The following KLF5 variants were observed in gnomAD, a reference collection of about 807,000 sequenced individuals.
The protein encoded by KLF5 is KLF transcription factor 5.
Under a neutral mutation model 36.9 loss-of-function variants are expected in KLF5, and 9 were observed. The observed-to-expected ratio is 0.24, with a 90% CI of 0.15 to 0.43. KLF5 has a LOEUF of 0.43. Ranked by LOEUF, KLF5 falls within the 20% of genes least tolerant of loss-of-function variation. KLF5 has a pLI of 1.00. For synonymous variants in KLF5, 246 were observed against 241.7 expected (o/e 1.02, Z -0.17); for missense variants, 524 against 599.5 (o/e 0.87, Z 1.31).
At chr13:73,064,340 C>A (rs9543219) in intron 3 of KLF5, among the ~76,000 whole-genome samples, 1 of 151,844 alleles carries the variant, frequency 6.6e-6, no homozygotes, top group Non-Finnish European at 1.5e-5. Context: ...GTTAAAATAT[C>A]TGTGTTTAGT....
intron 3 of KLF5, among the ~76,000 whole-genome samples, chr13:73,074,150 ACTTT>A (rs1174721273): frequency 6.6e-6 from 1 of 152,190 alleles, no homozygotes; most frequent in Non-Finnish European, 1.5e-5. Context: ...CTGTTTTGGC[ACTTT>A]CTTCTTTGTC....
Position 73,059,368 on chromosome 13 carries a change from C to T in KLF5, c.41C>T (p.Pro14Leu), listed in dbSNP as rs1214968219. Residue 14 changes from proline to leucine, a missense_variant, in exon 1 of 4, where the codon CCC (proline) becomes CTC (leucine). Physicochemically the swap from Pro to Leu is moderately conservative, Grantham distance 98 (BLOSUM62 -3). This residue lies in a region of KLF5 where 454 missense variants were observed against 458.1 expected (regional missense o/e 0.99). Coordinates refer to ENST00000377687, the MANE Select transcript of KLF5 (RefSeq NM_001730.5). ...CTGAGCATGAGCGCCCGCCTGGGAC[C>T]CGTGCCCCAGCCGCCGGCGCCGCAG... Reference protein sequence around the residue: ...RVLSMSARLGPVPQPPAPQDE... With the variant: ...RVLSMSARLGLVPQPPAPQDE... The T allele has an allele frequency of 4.9e-6, 7 of 1,418,294 alleles. No individual in the cohort carries two copies. Among genetic ancestry groups the T allele is most frequent in the Middle Eastern group, 2.6e-4 (1 of 3,918 alleles). The allele number at this position is 1,418,294 out of a possible 1,614,324, so 87.9% of individuals were successfully genotyped here.
chr13:73,071,089 T>C (rs1284713183), intron 3 of KLF5, among the ~76,000 whole-genome samples: 2 of 152,218 alleles, frequency 1.3e-5, no homozygotes, highest in African/African-American at 4.8e-5. Context: ...CTTTAAAAGC[T>C]AGTTAAGGAG....
Position 73,059,467 on chromosome 13 carries a change from C to T in KLF5, c.140C>T (p.Pro47Leu). Residue 47 changes from proline to leucine, a missense_variant, in exon 1 of 4, where the codon CCC (proline) becomes CTC (leucine). Physicochemically the swap from Pro to Leu is moderately conservative, Grantham distance 98. Coordinates refer to ENST00000377687, the MANE Select transcript of KLF5 (RefSeq NM_001730.5). ...CCGGCCCGCGACGCGGCGCTCTTCC[C>T]CGGCGAGGAGCTGAAGCACGCGCAC... is the stretch of plus-strand genomic sequence containing the variant. ...ANPARDAALF[P>L]GEELKHAHHR... 3 of 1,274,878 alleles carry T rather than the reference C, an allele frequency of 2.4e-6. No homozygotes were observed. Among genetic ancestry groups the T allele is most frequent in the Non-Finnish European group, 3.0e-6 (3 of 1,011,184 alleles). The allele number at this position is 1,274,878 out of a possible 1,614,324, so 79.0% of individuals were successfully genotyped here.
chr13:73,059,692 T>A (rs1413690698), intron 1 of KLF5, 104 bp downstream of exon 1: 1 of 943,234 alleles, frequency 1.1e-6, no homozygotes, highest in Non-Finnish European at 1.3e-6. Context: ...GGGGCGTGCG[T>A]CGGGGCGCAC....
intron 2 of KLF5, among the ~76,000 whole-genome samples, chr13:73,063,154 G>A (rs2044652338): frequency 6.6e-6 from 1 of 152,164 alleles, no homozygotes; most frequent in African/African-American, 2.4e-5. Flanking sequence ...AGAGATTAAA[G>A]TAGGGTGGGG....
In KLF5 at chr13:73,059,264, A is replaced by C; in HGVS notation, c.-64A>C. On this transcript the variant is annotated 5_prime_UTR_variant, in exon 1 of 4. Transcript: ENST00000377687. ...GCCCCGCGCTGAGCTCGCCGACCCAAGCCAGCGTGGGCGAGGTGGGAAGTG... is the reference window on the plus strand; with the variant it reads ...GCCCCGCGCTGAGCTCGCCGACCCACGCCAGCGTGGGCGAGGTGGGAAGTG... 3 of 1,271,870 alleles carry C rather than the reference A, an allele frequency of 2.4e-6. No individual in the cohort carries two copies. The highest frequency in any genetic ancestry group is 3.0e-6 in the Non-Finnish European group (3 of 1,006,672). 78.8% of individuals were successfully genotyped at this position (1,271,870 alleles called of 1,614,324 possible).
At chr13:73,071,182 G>A (rs2044719638) in intron 3 of KLF5, among the ~76,000 whole-genome samples, 1 of 152,144 alleles carries the variant, frequency 6.6e-6, no homozygotes, top group African/African-American at 2.4e-5. Context: ...TTCAGTGATG[G>A]GGATACAGAG....
chr13:73,068,081 TCCAC>T (rs201701804), intron 3 of KLF5, among the ~76,000 whole-genome samples: 4,393 of 152,082 alleles, frequency 0.029, 216 homozygotes, highest in African/African-American at 0.097. Flanking sequence ...CCTCAGATGA[TCCAC>T]CCGCCCCAGC....
rs566755888 is a variant in KLF5 at position 73,063,159 on chromosome 13, G to T, written c.1135+425G>T. Among the ~76,000 whole-genome samples, 95 of 152,272 alleles carry T rather than the reference G, an allele frequency of 6.2e-4. 2 individuals are homozygous for T. In the South Asian group the frequency reaches 0.02, roughly 32 times the overall value. On this transcript the variant is annotated intron_variant, in intron 2 of 3. Transcript: ENST00000377687. ...TGCCCCAGAAAGAGATTAAAGTAGG[G>T]TGGGGGAAAATAAGGTTTGGTGGTG...
At chr13:73,067,323 T>G (rs895642389) in intron 3 of KLF5, among the ~76,000 whole-genome samples, 1 of 152,188 alleles carries the variant, frequency 6.6e-6, no homozygotes, top group African/African-American at 2.4e-5. Context: ...TAATGAACAT[T>G]TAAAATAATG....
intron 1 of KLF5, chr13:73,059,819 C>CG: frequency 1.1e-6 from 1 of 943,954 alleles, no homozygotes; most frequent in Non-Finnish European, 1.3e-6. Context: ...GAATCTGCCC[C>CG]GGCGGGTCGG....
chr13:73,069,856 C>T (rs1594397392), intron 3 of KLF5, among the ~76,000 whole-genome samples: 4 of 152,192 alleles, frequency 2.6e-5, no homozygotes, highest in Admixed American at 2.6e-4. Flanking sequence ...TGTTCATAGA[C>T]TAAATAGAAT....
Position 73,062,569 on chromosome 13 carries a change from C to G in KLF5, c.970C>G (p.Pro324Ala). The G allele has an allele frequency of 6.2e-7, 1 of 1,614,216 alleles. No individual in the cohort carries two copies. Among genetic ancestry groups the G allele is most frequent in the Non-Finnish European group, 8.5e-7 (1 of 1,180,046 alleles). ...AGCAGAGATGCTCCAGAATTTAACC[C>G]CACCTCCATCCTATGCTGCTACAAT... ...RQAEMLQNLT[P>A]PPSYAATIAS... is the part of the protein sequence containing the mutation. The change falls in exon 2 of 4, where the codon CCA (proline) becomes GCA (alanine). Residue 324 changes from proline (P) to alanine (A), a missense_variant. This residue lies in a region of KLF5 where 454 missense variants were observed against 458.1 expected (regional missense o/e 0.99). Coordinates refer to ENST00000377687, the MANE Select transcript of KLF5 (RefSeq NM_001730.5).
rs535333423 is a variant in KLF5, at chr13:73,066,485, A to G, written c.1195+2602A>G. ...TAAAAACCACACAACAGTTGATGAC[A>G]TAAAATACTCTTTAAATGATTGTCG... is the stretch of plus-strand genomic sequence containing the variant. On this transcript the variant is annotated intron_variant, in intron 3 of 3. Transcript: ENST00000377687. Among the ~76,000 whole-genome samples the G allele has an allele frequency of 7.9e-5, 12 of 152,322 alleles. No homozygotes were observed. The South Asian group carries it at 8.3e-4, about 11-fold the overall frequency.
chr13:73,075,243 C>G (rs187107585), intron 3 of KLF5, among the ~76,000 whole-genome samples: 3 of 152,134 alleles, frequency 2.0e-5, no homozygotes, highest in African/African-American at 7.2e-5. Context: ...ATAGGTGATT[C>G]GTGCAACAGC....
chr13:73,075,970 C>CA lies in KLF5; in HGVS notation c.*87dup, dbSNP rs148760123. 0.35 allele frequency: 368,420 copies of CA among 1,056,906 alleles called. 63,806 individuals carry two copies. The highest frequency in any genetic ancestry group is 0.6 in the East Asian group (20,681 of 34,280). The allele number at this position is 1,056,906 out of a possible 1,614,324, so 65.5% of individuals were successfully genotyped here. ...TATTCCTGTGTAAAAACAACAAAAA[C>CA]AAACAAAAGCAAGAAAACCACAACT... On this transcript the variant is annotated 3_prime_UTR_variant, in exon 4 of 4. Coordinates refer to ENST00000377687, the MANE Select transcript of KLF5 (RefSeq NM_001730.5).
At chr13:73,066,617 A>G (rs1380281963) in intron 3 of KLF5, among the ~76,000 whole-genome samples, 1 of 152,226 alleles carries the variant, frequency 6.6e-6, no homozygotes, top group Admixed American at 6.5e-5. Flanking sequence ...AGGCAATGAA[A>G]ACAGCCTACA....
intron 1 of KLF5, among the ~76,000 whole-genome samples, chr13:73,060,338 C>T (rs895758915): frequency 1.6e-4 from 24 of 152,024 alleles, no homozygotes; most frequent in African/African-American, 4.6e-4. Flanking sequence ...AAAAACTTCC[C>T]GGGACTTTTA....
Sources: allele counts gnomAD v4.1 joint callset (sites outside exome capture counted in the v4.1 genomes callset), GRCh38; gene constraint gnomAD v4.1.1; regional missense constraint gnomAD v4.1.1; transcripts MANE v1.5; gene names NCBI Gene and HGNC (gene_info 2026-07-23, HGNC 2026-07-21).